PTPRR: variants seen among roughly 807,000 people sequenced by gnomAD.
The protein encoded by PTPRR is receptor-type tyrosine-protein phosphatase R.
A neutral mutation model predicts 77.2 loss-of-function variants in PTPRR; 38 were observed. That is an observed-to-expected ratio of 0.49 (90% CI 0.38 to 0.65). The LOEUF (loss-of-function observed/expected upper bound fraction) is 0.65. Among genes scored for constraint, PTPRR ranks in the 30% least tolerant of loss-of-function variants. PTPRR has a pLI of 0.00. For synonymous variants in PTPRR, 299 were observed against 283.1 expected (o/e 1.06, Z -0.57); for missense variants, 744 against 799.2 (o/e 0.93, Z 0.83).
chr12:70,733,964 C>T (rs1418148781), intron 6 of PTPRR, among the ~76,000 whole-genome samples: 1 of 152,128 alleles, frequency 6.6e-6, no homozygotes, highest in African/African-American at 2.4e-5. Context: ...TAGTGGGACC[C>T]TGAACTACAT....
intron 12 of PTPRR, 71 bp downstream of exon 12, chr12:70,660,869 A>T: frequency 4.2e-6 from 6 of 1,443,744 alleles, no homozygotes; most frequent in Non-Finnish European, 5.5e-6. Context: ...AGCAAAACCC[A>T]CTTGCACCTG....
chr12:70,730,601 G>T (rs897668904), intron 6 of PTPRR, among the ~76,000 whole-genome samples: 14 of 152,062 alleles, frequency 9.2e-5, no homozygotes, highest in Admixed American at 2.6e-4. Context: ...GGGAGGCTGA[G>T]ACAAGAGGAT....
At chr12:70,779,311 A>G (rs1891154247) in intron 2 of PTPRR, among the ~76,000 whole-genome samples, 1 of 151,722 alleles carries the variant, frequency 6.6e-6, no homozygotes, top group Non-Finnish European at 1.5e-5. Flanking sequence ...TGTGAGCTTC[A>G]TCTCATAGAC....
At chr12:70,766,639 A>G (rs369030417) in intron 2 of PTPRR, among the ~76,000 whole-genome samples, 63 of 151,176 alleles carry the variant, frequency 4.2e-4, no homozygotes, top group East Asian at 3.7e-3. Context: ...GCAGGCCAGC[A>G]TTCAGATTCA....
At chr12:70,742,365 T>C (rs1890075609) in intron 6 of PTPRR, among the ~76,000 whole-genome samples, 1 of 152,188 alleles carries the variant, frequency 6.6e-6, no homozygotes, top group Non-Finnish European at 1.5e-5. Flanking sequence ...CCCAGATTCA[T>C]GCCCACTATA....
intron 2 of PTPRR, among the ~76,000 whole-genome samples, chr12:70,769,866 A>G (rs1468296058): frequency 6.6e-6 from 1 of 152,092 alleles, no homozygotes; most frequent in Non-Finnish European, 1.5e-5. Flanking sequence ...CATATCTACA[A>G]CTATCTGATC....
At chr12:70,874,097 C>T (rs1592807353) in intron 2 of PTPRR, among the ~76,000 whole-genome samples, 1 of 152,132 alleles carries the variant, frequency 6.6e-6, no homozygotes, top group East Asian at 1.9e-4. Context: ...AACTAAGATA[C>T]TTTTCTGGAA....
chr12:70,774,427 A>G (rs1891047240), intron 2 of PTPRR, among the ~76,000 whole-genome samples: 1 of 152,242 alleles, frequency 6.6e-6, no homozygotes, highest in Non-Finnish European at 1.5e-5. Flanking sequence ...ATGGGAACTA[A>G]AGATTTAAAA....
intron 1 of PTPRR, among the ~76,000 whole-genome samples, chr12:70,905,955 G>T: frequency 6.6e-6 from 1 of 151,922 alleles, no homozygotes; most frequent in East Asian, 1.9e-4. Flanking sequence ...AGCATCAAGG[G>T]CTTCCCTTGA....
rs189980815 is a variant in PTPRR at position 70,691,184 on chromosome 12, G to A, written c.1280-6401C>T. Among the ~76,000 whole-genome samples, 560 of 152,176 alleles carry A rather than the reference G, an allele frequency of 3.7e-3. 6 individuals carry two copies. The highest frequency in any genetic ancestry group is 0.011 in the South Asian group (51 of 4,820). On this transcript the variant is annotated intron_variant, in intron 8 of 13. Coordinates refer to ENST00000283228, the MANE Select transcript of PTPRR (RefSeq NM_002849.4). Reference sequence around the variant, plus strand: ...TACACTGTGATCTATCCTAACCCTAGCACTGTGCAGAGACTGCCCTTGCTA... The same window carrying A: ...TACACTGTGATCTATCCTAACCCTAACACTGTGCAGAGACTGCCCTTGCTA...
chr12:70,683,579 C>T (rs1251493575), intron 10 of PTPRR, among the ~76,000 whole-genome samples: 3 of 152,114 alleles, frequency 2.0e-5, no homozygotes, highest in African/African-American at 7.2e-5. Flanking sequence ...TCCCCATCAC[C>T]CCCTCCTTAC....
intron 2 of PTPRR, among the ~76,000 whole-genome samples, chr12:70,811,189 A>G (rs1243121794): frequency 1.3e-5 from 2 of 152,236 alleles, no homozygotes; most frequent in East Asian, 1.9e-4. Flanking sequence ...TGCATAACAA[A>G]CAAGGAAAGG....
At chr12:70,647,874 T>C (rs996197407) in intron 13 of PTPRR, among the ~76,000 whole-genome samples, 31 of 152,226 alleles carry the variant, frequency 2.0e-4, no homozygotes, top group Admixed American at 1.7e-3. Context: ...GAAAGTTCAT[T>C]GTACTTATCA....
chr12:70,831,190 G>T (rs1191306226), intron 2 of PTPRR, among the ~76,000 whole-genome samples: 2 of 152,078 alleles, frequency 1.3e-5, no homozygotes, highest in African/African-American at 4.8e-5. Context: ...TTATTTCCTT[G>T]ATTGAACAAC....
intron 6 of PTPRR, among the ~76,000 whole-genome samples, chr12:70,707,238 T>C (rs893159004): frequency 1.3e-5 from 2 of 152,148 alleles, no homozygotes; most frequent in African/African-American, 2.4e-5. Flanking sequence ...AAGCTAAAAA[T>C]AGAGATTTTA....
At chr12:70,858,308 G>T (rs912532790) in intron 2 of PTPRR, among the ~76,000 whole-genome samples, 1 of 151,842 alleles carries the variant, frequency 6.6e-6, no homozygotes, top group Non-Finnish European at 1.5e-5. Flanking sequence ...TAAATCTCTT[G>T]CCCATCTATT....
chr12:70,669,542 CATATAT>C (rs1230868103), intron 10 of PTPRR, among the ~76,000 whole-genome samples: 1 of 136,776 alleles, frequency 7.3e-6, no homozygotes, highest in African/African-American at 3.0e-5. Flanking sequence ...ACACACAAGC[CATATAT>C]ATATATGTTA....
At chr12:70,918,411 AT>A (rs1893805772) in intron 1 of PTPRR, among the ~76,000 whole-genome samples, 1 of 152,226 alleles carries the variant, frequency 6.6e-6, no homozygotes. Context: ...TTAAATTAAA[AT>A]TGGTTGATTA....
At chr12:70,788,220 C>T (rs1488920921) in intron 2 of PTPRR, among the ~76,000 whole-genome samples, 1 of 152,166 alleles carries the variant, frequency 6.6e-6, no homozygotes, top group African/African-American at 2.4e-5. Flanking sequence ...AGTTCCCCAG[C>T]TGGGAATTTA....
Sources: gnomAD v4.1 joint callset for allele counts (sites outside exome capture counted in the v4.1 genomes callset) on GRCh38, gnomAD v4.1.1 for gene constraint, MANE v1.5 for transcripts, NCBI Gene and HGNC (gene_info 2026-07-23, HGNC 2026-07-21) for gene names.